Variants in OLFM3 observed in about 807,000 individuals in gnomAD.
OLFM3 encodes noelin-3.
A neutral mutation model predicts 48.6 loss-of-function variants in OLFM3; 20 were observed. The observed-to-expected ratio is 0.41, with a 90% CI of 0.29 to 0.60. The LOEUF (loss-of-function observed/expected upper bound fraction) is 0.60, where lower values mean the gene tolerates loss of function less well. Ranked by LOEUF, OLFM3 falls within the 20% of genes least tolerant of loss-of-function variation. The probability of loss-of-function intolerance (pLI) is 0.28; values close to 1 mark genes in which losing one functional copy is unlikely to be tolerated. For missense variants in OLFM3, 437 were observed against 544.3 expected, an observed-to-expected ratio of 0.80 and a Z score of 1.96; for synonymous variants, 222 against 198.1, an observed-to-expected ratio of 1.12 and a Z score of -1.01.
chr1:101,973,352 G>A (rs910053945), intron 1 of OLFM3, among the ~76,000 whole-genome samples: 5 of 152,226 alleles, frequency 3.3e-5, no homozygotes, highest in Non-Finnish European at 7.3e-5. Flanking sequence ...TCCAACTGAA[G>A]AGAGAGTAAA....
At chr1:101,950,027 TAAAAA>T (rs68119821) in intron 1 of OLFM3, among the ~76,000 whole-genome samples, 4 of 129,196 alleles carry the variant, frequency 3.1e-5, no homozygotes, top group Non-Finnish European at 6.4e-5. Context: ...GACTCCGTCT[TAAAAA>T]AAAAAAAAAA....
intron 1 of OLFM3, among the ~76,000 whole-genome samples, chr1:101,880,606 T>A (rs571206467): frequency 4.5e-4 from 69 of 151,898 alleles, no homozygotes; most frequent in African/African-American, 1.5e-3. Context: ...TGATAATAAA[T>A]TTGTCATAAC....
At position 101,876,956 on chromosome 1, in the gene OLFM3, T is replaced by C. The variant is rs568292286; in HGVS notation, c.70-39931A>G. The stretch of plus-strand genomic sequence containing the variant: ...CCTCTTAGGTGTCTGACTTGGGTTA[T>C]AATTTCAGTTTGTCAACTAGAAGAA... On this transcript the variant is annotated intron_variant, in intron 1 of 5. Coordinates refer to ENST00000370103, the MANE Select transcript of OLFM3 (RefSeq NM_058170.4). 1.2e-4 allele frequency among the ~76,000 whole-genome samples: 19 copies of C among 152,066 alleles called. No homozygotes were observed. The East Asian group carries it at 3.5e-3, about 28-fold the overall frequency.
At chr1:101,849,301 T>C (rs998460209) in intron 1 of OLFM3, among the ~76,000 whole-genome samples, 2 of 152,190 alleles carry the variant, frequency 1.3e-5, no homozygotes, top group Non-Finnish European at 2.9e-5. Context: ...TGAGTCCTAG[T>C]TTGTAAGTGG....
chr1:101,910,078 T>G, intron 1 of OLFM3: 1 of 985,638 alleles, frequency 1.0e-6, no homozygotes, highest in Non-Finnish European at 1.2e-6. Context: ...TCCTTCTGCT[T>G]CTTCATATCC....
chr1:101,865,904 A>G (rs1003666527), intron 1 of OLFM3, among the ~76,000 whole-genome samples: 6 of 152,196 alleles, frequency 3.9e-5, no homozygotes, highest in Non-Finnish European at 8.8e-5. Flanking sequence ...CAGCATAGCT[A>G]TTTGGTTGAG....
chr1:101,835,975 A>G (rs1481587377), intron 2 of OLFM3, among the ~76,000 whole-genome samples: 1 of 152,062 alleles, frequency 6.6e-6, no homozygotes, highest in East Asian at 1.9e-4. Context: ...ACTTGATTTC[A>G]TTTTTCTAGC....
In OLFM3 at chr1:101,803,376, A is replaced by G. The variant is rs1302068166; in HGVS notation, c.*862T>C. 2.0e-5 allele frequency: 3 copies of G among 152,136 alleles called. No individual in the cohort carries two copies. The highest frequency in any genetic ancestry group is 4.4e-5 in the Non-Finnish European group (3 of 67,800). The allele number at this position is 152,136 out of a possible 1,614,324, so 9.4% of individuals were successfully genotyped here. A position where few individuals can be genotyped will look rare whatever the true frequency, so the allele number is the denominator to read the frequency against. ...TTGTGCAAGAAACTATATGGGTTGC[A>G]TTCAGTGGAGTGAACAGAGTAACTC... On this transcript the variant is annotated 3_prime_UTR_variant, in exon 6 of 6. Transcript: ENST00000370103.
At chr1:101,809,204 C>G (rs375356684) in intron 4 of OLFM3, among the ~76,000 whole-genome samples, 8 of 150,918 alleles carry the variant, frequency 5.3e-5, no homozygotes, top group African/African-American at 1.9e-4. Flanking sequence ...GTAACAACAC[C>G]TAAATATTCA....
chr1:101,889,884 A>G (rs1269371126), intron 1 of OLFM3, among the ~76,000 whole-genome samples: 1 of 152,042 alleles, frequency 6.6e-6, no homozygotes, highest in Non-Finnish European at 1.5e-5. Flanking sequence ...ATTTGAACCT[A>G]TAATTCTACT....
At chr1:101,942,822 C>G (rs1055830204) in intron 1 of OLFM3, among the ~76,000 whole-genome samples, 1 of 152,082 alleles carries the variant, frequency 6.6e-6, no homozygotes, top group African/African-American at 2.4e-5. Flanking sequence ...TTTGTTCTTA[C>G]AAAAACAGAG....
chr1:101,867,762 C>T (rs1028182785), intron 1 of OLFM3, among the ~76,000 whole-genome samples: 1 of 152,116 alleles, frequency 6.6e-6, no homozygotes, highest in African/African-American at 2.4e-5. Context: ...GTTTTTGCTT[C>T]ATAAAGTCAG....
At chr1:101,889,213 T>C (rs1166957653) in intron 1 of OLFM3, among the ~76,000 whole-genome samples, 1 of 152,182 alleles carries the variant, frequency 6.6e-6, no homozygotes, top group Non-Finnish European at 1.5e-5. Context: ...GTATGTTTAT[T>C]GCAGCACTAT....
chr1:101,977,003 G>A (rs1660973921), intron 1 of OLFM3, among the ~76,000 whole-genome samples: 2 of 152,044 alleles, frequency 1.3e-5, no homozygotes, highest in African/African-American at 2.4e-5. Flanking sequence ...AACCTTTTCT[G>A]AATAATTTGC....
intron 1 of OLFM3, among the ~76,000 whole-genome samples, chr1:101,978,092 C>T (rs1296558907): frequency 6.6e-6 from 1 of 152,006 alleles, no homozygotes; most frequent in Non-Finnish European, 1.5e-5. Flanking sequence ...CTAGCATTTA[C>T]TAAATGCCAG....
intron 1 of OLFM3, among the ~76,000 whole-genome samples, chr1:101,986,691 T>C (rs145097644): frequency 1.3e-5 from 2 of 152,290 alleles, no homozygotes; most frequent in East Asian, 1.9e-4. Context: ...AAGACGTAAG[T>C]AGGGAAAGAA....
intron 1 of OLFM3, among the ~76,000 whole-genome samples, chr1:101,929,559 C>T (rs1162660465): frequency 1.3e-5 from 2 of 152,034 alleles, no homozygotes; most frequent in Non-Finnish European, 2.9e-5. Flanking sequence ...CCTGAGACAG[C>T]ATAATGAAAG....
intron 1 of OLFM3, among the ~76,000 whole-genome samples, chr1:101,925,611 T>A (rs1230953268): frequency 2.0e-5 from 3 of 152,106 alleles, no homozygotes. Flanking sequence ...TTTGAGCTCC[T>A]GGGCTCAAGA....
At chr1:101,911,552 GGGTCTCTACTTTCACAAGTTACCCA>G in intron 1 of OLFM3, among the ~76,000 whole-genome samples, 1 of 152,192 alleles carries the variant, frequency 6.6e-6, no homozygotes, top group Non-Finnish European at 1.5e-5. Flanking sequence ...AACATACTCT[GGGTCTCTACTTTCACAAGTTACCCA>G]AGTTTAACCT....
Sources: gnomAD v4.1 joint callset for allele counts (sites outside exome capture counted in the v4.1 genomes callset) on GRCh38, gnomAD v4.1.1 for gene constraint, MANE v1.5 for transcripts, NCBI Gene and HGNC (gene_info 2026-07-23, HGNC 2026-07-21) for gene names.